The following USP40 variants were observed in gnomAD, a reference collection of about 807,000 sequenced individuals.
USP40 encodes ubiquitin specific peptidase 40, also known as ubiquitin carboxyl-terminal hydrolase 40.
A neutral mutation model predicts 166.2 loss-of-function variants in USP40; 143 were observed. The ratio of observed to expected loss-of-function variants is 0.86; its 90% CI spans 0.75 to 0.99. The LOEUF is 0.99. Ranked by LOEUF, USP40 falls within the 50% of genes least tolerant of loss-of-function variation. The pLI, the probability that USP40 is intolerant of heterozygous loss-of-function variation, is 0.00. For synonymous variants in USP40, 498 were observed against 524.0 expected, an observed-to-expected ratio of 0.95 and a Z score of 0.68; for missense variants, 1,444 against 1,479.7, an observed-to-expected ratio of 0.98 and a Z score of 0.40.
intron 18 of USP40, among the ~76,000 whole-genome samples, chr2:233,514,611 G>A (rs1271175481): frequency 6.6e-6 from 1 of 152,154 alleles, no homozygotes; most frequent in East Asian, 1.9e-4. Context: ...AGCACTAAAG[G>A]GCTTTGTGCG....
chr2:233,557,311 A>G (rs1314902522), intron 4 of USP40, among the ~76,000 whole-genome samples: 1 of 152,266 alleles, frequency 6.6e-6, no homozygotes, highest in Non-Finnish European at 1.5e-5. Flanking sequence ...TGGCCATGCC[A>G]CAGAAAGCAG....
intron 1 of USP40, among the ~76,000 whole-genome samples, chr2:233,566,144 A>G (rs1350842305): frequency 2.2e-5 from 3 of 137,236 alleles, no homozygotes; most frequent in African/African-American, 5.3e-5. Flanking sequence ...GCCGGAAGTC[A>G]GTTCACTGGG....
chr2:233,543,034 C>A (rs776809500), intron 8 of USP40, among the ~76,000 whole-genome samples: 1 of 152,188 alleles, frequency 6.6e-6, no homozygotes, highest in African/African-American at 2.4e-5. Context: ...CTCATCTTTG[C>A]AGGCCAGGCT....
At chr2:233,548,376 T>C (rs943630182) in intron 8 of USP40, among the ~76,000 whole-genome samples, 1 of 152,212 alleles carries the variant, frequency 6.6e-6, no homozygotes, top group Non-Finnish European at 1.5e-5. Context: ...CATGTTCACC[T>C]GCCATCTGCA....
At chr2:233,563,420 T>A (rs1170182486) in intron 2 of USP40, among the ~76,000 whole-genome samples, 3 of 152,288 alleles carry the variant, frequency 2.0e-5, no homozygotes, top group Admixed American at 6.5e-5. Context: ...GTAGGAACTC[T>A]TACTGGGAAA....
chr2:233,485,323 A>G (rs1487442846), intron 30 of USP40, among the ~76,000 whole-genome samples: 1 of 152,166 alleles, frequency 6.6e-6, no homozygotes, highest in Non-Finnish European at 1.5e-5. Context: ...TCTGTATTTT[A>G]TTTTAGTGTC....
At chr2:233,556,239 A>C (rs149716926) in intron 5 of USP40, among the ~76,000 whole-genome samples, 1 of 152,300 alleles carries the variant, frequency 6.6e-6, no homozygotes, top group African/African-American at 2.4e-5. Context: ...AATTGACTAT[A>C]TAAGATTTGT....
chr2:233,509,086 A>AT (rs1205797586), intron 21 of USP40, among the ~76,000 whole-genome samples: 1 of 152,156 alleles, frequency 6.6e-6, no homozygotes, highest in African/African-American at 2.4e-5. Flanking sequence ...TTTGTAGAAA[A>AT]TGGTATTTGG....
chr2:233,518,062 C>T (rs958882461), intron 18 of USP40, among the ~76,000 whole-genome samples: 2 of 151,378 alleles, frequency 1.3e-5, no homozygotes, highest in Non-Finnish European at 2.9e-5. Flanking sequence ...TAAAAGACTA[C>T]AAATAGGGTG....
chr2:233,527,293 G>T, intron 13 of USP40, 114 bp downstream of exon 13: 1 of 1,224,132 alleles, frequency 8.2e-7, no homozygotes, highest in Non-Finnish European at 1.1e-6. Context: ...GCAGATGTCA[G>T]ATCTTCCTAA....
chr2:233,566,471 C>A (rs1021393396), intron 1 of USP40, among the ~76,000 whole-genome samples: 1 of 152,244 alleles, frequency 6.6e-6, no homozygotes, highest in South Asian at 2.1e-4. Context: ...ACTCCTACGG[C>A]CGGCCGAGGC....
intron 11 of USP40, among the ~76,000 whole-genome samples, chr2:233,531,254 C>T (rs1418107511): frequency 6.6e-6 from 1 of 152,164 alleles, no homozygotes; most frequent in Admixed American, 6.5e-5. Context: ...ACTACACTGT[C>T]TTCATTGCTA....
chr2:233,526,559 A>G lies in USP40; in HGVS notation c.1725+848T>C, dbSNP rs1164621363. On this transcript the variant is annotated intron_variant, in intron 13 of 31. Coordinates refer to ENST00000678225, the MANE Select transcript of USP40 (RefSeq NM_001365479.2). Reference sequence around the variant, plus strand: ...AGCAGAAGAAAATTGAAAGAAAGCTAATAGTTTTGGTAATAGGATTTTTCA... The same window carrying G: ...AGCAGAAGAAAATTGAAAGAAAGCTGATAGTTTTGGTAATAGGATTTTTCA... Among the ~76,000 whole-genome samples, 4 of 152,224 alleles carry G rather than the reference A, an allele frequency of 2.6e-5. No individual in the cohort carries two copies. In the East Asian group the frequency reaches 7.7e-4, roughly 29 times the overall value.
intron 21 of USP40, among the ~76,000 whole-genome samples, chr2:233,508,120 T>A (rs546991050): frequency 6.6e-6 from 1 of 152,190 alleles, no homozygotes; most frequent in African/African-American, 2.4e-5. Context: ...ATGCCAGATA[T>A]ATAATTTCAT....
intron 6 of USP40, 74 bp downstream of exon 6, chr2:233,554,306 G>A (rs1340978740): frequency 7.0e-7 from 1 of 1,418,694 alleles, no homozygotes; most frequent in African/African-American, 1.5e-5. Flanking sequence ...ATATCCTCGA[G>A]ACTTTTTCAT....
chr2:233,493,304 G>T lies in USP40; in HGVS notation c.2917+121C>A. 8.9e-6 allele frequency: 12 copies of T among 1,349,918 alleles called. No individual in the cohort carries two copies. The highest frequency in any genetic ancestry group is 1.2e-5 in the Non-Finnish European group (12 of 973,896). The allele number at this position is 1,349,918 out of a possible 1,614,324, so 83.6% of individuals were successfully genotyped here. A position where few individuals can be genotyped will look rare whatever the true frequency, so the allele number is the denominator to read the frequency against. On this transcript the variant is annotated intron_variant, in intron 25 of 31. Transcript: ENST00000678225. The surrounding 1 kb of genome is among the most constrained non-coding windows in gnomAD (Gnocchi z 4.7). ...CTGGAATGACTTATGAAATTAATAG[G>T]TCTTGATTTTCAAGATCTTACGTTT...
At chr2:233,509,309 T>C (rs1476448315) in intron 21 of USP40, among the ~76,000 whole-genome samples, 1 of 152,188 alleles carries the variant, frequency 6.6e-6, no homozygotes, top group African/African-American at 2.4e-5. Flanking sequence ...AAGGTCTCAG[T>C]TCTCAATAAC....
chr2:233,565,623 C>T (rs1431235949), intron 1 of USP40, 50 bp from the exon 2 acceptor site: 2 of 1,444,262 alleles, frequency 1.4e-6, no homozygotes, highest in African/African-American at 2.8e-5. Context: ...TAAATTTTCC[C>T]CAAATCCCCC....
chr2:233,484,528 G>A (rs543622995), intron 30 of USP40, among the ~76,000 whole-genome samples: 2 of 150,290 alleles, frequency 1.3e-5, no homozygotes, highest in Non-Finnish European at 2.9e-5. Flanking sequence ...CTGGGCTGCA[G>A]TGCAGTGGCA....
Sources: allele counts gnomAD v4.1 joint callset (sites outside exome capture counted in the v4.1 genomes callset), GRCh38; gene constraint gnomAD v4.1.1; non-coding constraint Gnocchi (gnomAD v3.1); transcripts MANE v1.5; gene names NCBI Gene and HGNC (gene_info 2026-07-23, HGNC 2026-07-21).